Variants in SEC14L4 observed in about 807,000 individuals in gnomAD.
SEC14L4 encodes the protein SEC14 like lipid binding 4, also known as SEC14-like protein 4.
A neutral mutation model predicts 55.1 loss-of-function variants in SEC14L4; 42 were observed. The observed-to-expected ratio is 0.76, with a 90% CI of 0.60 to 0.99. SEC14L4 has a LOEUF of 0.99. Ranked by LOEUF, SEC14L4 falls within the 50% of genes least tolerant of loss-of-function variation. SEC14L4 has a pLI of 0.00. For synonymous variants in SEC14L4, 206 were observed against 206.8 expected, an observed-to-expected ratio of 1.00 and a Z score of 0.03; for missense variants, 445 against 512.1, an observed-to-expected ratio of 0.87 and a Z score of 1.27.
chr22:30,504,756 C>G lies in SEC14L4; in HGVS notation c.54+802G>C, dbSNP rs574128739. Among the ~76,000 whole-genome samples, 115 of 152,208 alleles carry G rather than the reference C, an allele frequency of 7.6e-4. 1 individual carries two copies. Among genetic ancestry groups the G allele is most frequent in the Middle Eastern group, 3.2e-3 (1 of 316 alleles). ...CTGAGAGAGAGGAGATCTCACTTCC[C>G]TGGGGACCAACAGAGCTGAAGGCAA... On this transcript the variant is annotated intron_variant, in intron 1 of 11. Coordinates refer to ENST00000255858, the MANE Select transcript of SEC14L4 (RefSeq NM_174977.4).
intron 7 of SEC14L4, 28 bp downstream of exon 7, chr22:30,494,122 C>A (rs750765631): frequency 1.3e-6 from 2 of 1,570,110 alleles, no homozygotes; most frequent in African/African-American, 1.4e-5. Context: ...TCTCCCTCCC[C>A]AGGAGGTCAT....
chr22:30,503,780 C>G, intron 1 of SEC14L4, 28 bp from the exon 2 acceptor site: 1 of 1,604,200 alleles, frequency 6.2e-7, no homozygotes, highest in East Asian at 2.2e-5. Context: ...TGATGGTCGG[C>G]GGAGCTCTCA....
At position 30,489,898 on chromosome 22, in the gene SEC14L4, T is replaced by TA. The variant is rs758729786; in HGVS notation, c.*208_*209insT. On this transcript the variant is annotated 3_prime_UTR_variant, in exon 12 of 12. Coordinates refer to ENST00000255858, the MANE Select transcript of SEC14L4 (RefSeq NM_174977.4). ...CATTCTCTGGGAACAGGGAAAGAGG[T>TA]TCCTGTCTGAATCTTCAGCATGGGC... is the stretch of plus-strand genomic sequence containing the variant. 2 of 1,551,684 alleles carry TA rather than the reference T, an allele frequency of 1.3e-6. No homozygotes were observed. The highest frequency in any genetic ancestry group is 1.2e-5 in the South Asian group (1 of 84,068).
intron 2 of SEC14L4, among the ~76,000 whole-genome samples, chr22:30,499,896 GTCTC>G (rs374230359): frequency 8.7e-5 from 13 of 150,174 alleles, no homozygotes; most frequent in African/African-American, 2.4e-4. Context: ...TTGAGACAGA[GTCTC>G]TCTCTGTTTC....
intron 6 of SEC14L4, 53 bp from the exon 7 acceptor site, chr22:30,494,263 A>T (rs988913277): frequency 6.9e-7 from 1 of 1,458,522 alleles, no homozygotes. Flanking sequence ...CCTCCCGCCC[A>T]TGGGTTTCTG....
At position 30,495,574 on chromosome 22, in the gene SEC14L4, G is replaced by A. The variant is rs146520987; in HGVS notation, c.234+9C>T. ...TCAGATGGCCTGGGGGATGCTGCTC[G>A]AGGCTCACCTCAGGGGGCTGCCATG... On this transcript the variant is annotated intron_variant, in intron 4 of 11. Coordinates refer to ENST00000255858, the MANE Select transcript of SEC14L4 (RefSeq NM_174977.4). The A allele has an allele frequency of 8.0e-4, 1,285 of 1,613,914 alleles. 4 individuals are homozygous for A. The African/African-American group carries it at 0.013, about 17-fold the overall frequency.
At chr22:30,504,779 C>T (rs1300158568) in intron 1 of SEC14L4, among the ~76,000 whole-genome samples, 1 of 152,152 alleles carries the variant, frequency 6.6e-6, no homozygotes, top group Non-Finnish European at 1.5e-5. Context: ...GAGCTGAAGG[C>T]AAAGGCTGGG....
At position 30,495,928 on chromosome 22, in the gene SEC14L4, C is replaced by T. The variant is rs1220545244; in HGVS notation, c.174G>A (p.Arg58=). Residue 58 remains arginine, a splice_region_variant and synonymous_variant, in exon 3 of 12, where the codon AGG becomes AGA. Transcript: ENST00000255858. ...DLQKSEDMLR[R]HMEFRKQQDL... ...GGCAGTAGGGATCACAGATCCTTAC[C>T]CTTCGGAGCATGTCTTCGGATTTCT... 2 of 1,613,812 alleles carry T rather than the reference C, an allele frequency of 1.2e-6. No homozygotes were observed. Among genetic ancestry groups the T allele is most frequent in the Non-Finnish European group, 1.7e-6 (2 of 1,179,822 alleles).
intron 2 of SEC14L4, among the ~76,000 whole-genome samples, chr22:30,500,966 C>A (rs941184077): frequency 2.0e-5 from 3 of 150,844 alleles, no homozygotes; most frequent in Admixed American, 6.6e-5. Context: ...GAGGCCGAGG[C>A]GGGAGGATCA....
intron 2 of SEC14L4, among the ~76,000 whole-genome samples, chr22:30,501,846 CATATATATATAT>C (rs3067218): frequency 8.9e-6 from 1 of 111,910 alleles, no homozygotes; most frequent in African/African-American, 3.5e-5. Context: ...CACACACGCA[CATATATATATAT>C]ATATATATAT....
chr22:30,498,985 G>C (rs1936236472), intron 2 of SEC14L4, among the ~76,000 whole-genome samples: 1 of 151,892 alleles, frequency 6.6e-6, no homozygotes, highest in Admixed American at 6.6e-5. Flanking sequence ...CTGTCGCCCA[G>C]GCTGGAGTGC....
chr22:30,497,176 T>C (rs944697539), intron 2 of SEC14L4, among the ~76,000 whole-genome samples: 1 of 151,952 alleles, frequency 6.6e-6, no homozygotes, highest in Admixed American at 6.6e-5. Context: ...CCGTCTCTAC[T>C]AAAAATACAA....
At chr22:30,496,049 G>A in intron 2 of SEC14L4, 78 bp from the exon 3 acceptor site, 1 of 1,199,772 alleles carries the variant, frequency 8.3e-7, no homozygotes, top group African/African-American at 1.5e-5. Context: ...TGAGGAAACA[G>A]CTAAGGTGTC....
chr22:30,504,948 A>G (rs1161589737), intron 1 of SEC14L4, among the ~76,000 whole-genome samples: 2 of 152,090 alleles, frequency 1.3e-5, no homozygotes, highest in Non-Finnish European at 2.9e-5. Context: ...CCTGGCCAAT[A>G]TGGTGAAACC....
chr22:30,494,305 A>G, intron 6 of SEC14L4, 95 bp from the exon 7 acceptor site: 1 of 902,332 alleles, frequency 1.1e-6, no homozygotes, highest in Non-Finnish European at 1.8e-6. Context: ...CAAGAGGCCC[A>G]TCCCTGGCCC....
At chr22:30,492,275 C>T (rs1298132210) in intron 8 of SEC14L4, 120 bp from the exon 9 acceptor site, 1 of 1,307,786 alleles carries the variant, frequency 7.6e-7, no homozygotes, top group Non-Finnish European at 1.1e-6. Flanking sequence ...GGCACCTACT[C>T]CTAAGAGTAC....
intron 7 of SEC14L4, among the ~76,000 whole-genome samples, chr22:30,493,342 A>G (rs1399382322): frequency 1.3e-5 from 2 of 152,100 alleles, no homozygotes; most frequent in Non-Finnish European, 2.9e-5. Flanking sequence ...CATCTTCTCC[A>G]CACACTGTTT....
chr22:30,494,281 T>TTGTCTCAGCAGCATCA, intron 6 of SEC14L4, 71 bp from the exon 7 acceptor site: 1 of 1,204,626 alleles, frequency 8.3e-7, no homozygotes, highest in Non-Finnish European at 1.2e-6. Flanking sequence ...CTGTGGCCTC[T>TTGTCTCAGCAGCATCA]GATGCTGCTG....
chr22:30,490,114 G>T lies in SEC14L4; in HGVS notation c.1214C>A (p.Thr405Lys), dbSNP rs753798129. 38 of 1,613,868 alleles carry T rather than the reference G, an allele frequency of 2.4e-5. No homozygotes were observed. The highest frequency in any genetic ancestry group is 3.1e-5 in the Non-Finnish European group (37 of 1,179,928). Reference protein sequence around the residue: ...QSLKAMRPSPTQ With the variant: ...QSLKAMRPSPKQ ...TAGAGGTGGCTGGGGTCTTCACTGTGTTGGGGAGGGTCTCATCGCCTTGAG... is the reference window on the plus strand; with the variant it reads ...TAGAGGTGGCTGGGGTCTTCACTGTTTTGGGGAGGGTCTCATCGCCTTGAG... Residue 405 changes from threonine (T) to lysine (K), a missense_variant, in exon 12 of 12, where the codon ACA (threonine) becomes AAA (lysine). Transcript: ENST00000255858.
Sources: gnomAD v4.1 joint callset for allele counts (sites outside exome capture counted in the v4.1 genomes callset) on GRCh38, gnomAD v4.1.1 for gene constraint, MANE v1.5 for transcripts, NCBI Gene and HGNC (gene_info 2026-07-23, HGNC 2026-07-21) for gene names.